Variants in THSD7B observed in about 807,000 individuals in gnomAD.
THSD7B encodes thrombospondin type-1 domain-containing protein 7B.
Under a neutral mutation model 213.6 loss-of-function variants are expected in THSD7B, and 138 were observed. The ratio of observed to expected loss-of-function variants is 0.65; its 90% confidence interval spans 0.56 to 0.74. The LOEUF (loss-of-function observed/expected upper bound fraction) is 0.74, where lower values mean the gene tolerates loss of function less well. THSD7B is among the 30% of genes least tolerant of loss of function. The pLI is 0.00. For missense variants in THSD7B, 1,931 were observed against 1,991.5 expected (o/e 0.97, Z 0.58); for synonymous variants, 742 against 687.0 (o/e 1.08, Z -1.25).
chr2:136,793,798 G>A (rs997694515), intron 1 of THSD7B, among the ~76,000 whole-genome samples: 2 of 151,846 alleles, frequency 1.3e-5, no homozygotes, highest in African/African-American at 4.8e-5. Context: ...ACATAAATTG[G>A]AAAGTATTTT....
chr2:137,115,463 G>A lies in THSD7B; in HGVS notation c.1369+170G>A, dbSNP rs554136559. Among the ~76,000 whole-genome samples, 15 of 152,114 alleles carry A rather than the reference G, an allele frequency of 9.9e-5. No homozygotes were observed. In the East Asian group the frequency reaches 2.3e-3, roughly 24 times the overall value. On this transcript the variant is annotated intron_variant, in intron 5 of 27. Coordinates refer to ENST00000409968, the MANE Select transcript of THSD7B (RefSeq NM_001316349.2). ...TAAGTTCTTCCACTTGTAACACTTG[G>A]GATAGTTAAAAATAGTAGCAAAAAT...
chr2:137,141,482 GCACACACACACTCA>G (rs914092635), intron 5 of THSD7B, among the ~76,000 whole-genome samples: 20 of 79,124 alleles, frequency 2.5e-4, no homozygotes, highest in Non-Finnish European at 4.0e-4. Context: ...ACACATGTGT[GCACACACACACTCA>G]CACACACACA....
At chr2:137,468,465 C>T (rs914614053) in intron 15 of THSD7B, among the ~76,000 whole-genome samples, 20 of 151,734 alleles carry the variant, frequency 1.3e-4, no homozygotes, top group African/African-American at 4.6e-4. Context: ...GTCCTCTAAA[C>T]TTGAAGATGC....
intron 15 of THSD7B, among the ~76,000 whole-genome samples, chr2:137,474,344 G>T (rs1303716792): frequency 6.6e-6 from 1 of 152,118 alleles, no homozygotes; most frequent in Non-Finnish European, 1.5e-5. Context: ...CAGATTGAAT[G>T]GTTTCAGCTT....
At position 137,444,729 on chromosome 2, in the gene THSD7B, C is replaced by T. The variant is rs147144369; in HGVS notation, c.2960-6116C>T. Among the ~76,000 whole-genome samples, 531 of 151,958 alleles carry T rather than the reference C, an allele frequency of 3.5e-3. 1 individual carries two copies. Among genetic ancestry groups the T allele is most frequent in the Middle Eastern group, 0.014 (4 of 294 alleles). On this transcript the variant is annotated intron_variant, in intron 14 of 27. Transcript: ENST00000409968. ...CTGTTCACAGATTTCTTGAATGAGACCTCAAAAGCATAGGCCACAAAGGCA... is the reference window on the plus strand; with the variant it reads ...CTGTTCACAGATTTCTTGAATGAGATCTCAAAAGCATAGGCCACAAAGGCA...
At chr2:136,946,311 T>A (rs867827766) in intron 2 of THSD7B, among the ~76,000 whole-genome samples, 1 of 152,164 alleles carries the variant, frequency 6.6e-6, no homozygotes, top group African/African-American at 2.4e-5. Context: ...ACTGGAAATG[T>A]TGCAGAACAA....
intron 5 of THSD7B, among the ~76,000 whole-genome samples, chr2:137,158,699 C>T (rs147992206): frequency 1.3e-5 from 2 of 151,868 alleles, no homozygotes; most frequent in Admixed American, 6.6e-5. Context: ...TTTTGGTGTT[C>T]GAAGTTCTGC....
At chr2:137,605,648 CTTTTTTTTTTTTTT>C (rs34604281) in intron 17 of THSD7B, among the ~76,000 whole-genome samples, 41 of 69,010 alleles carry the variant, frequency 5.9e-4, no homozygotes, top group African/African-American at 1.3e-3. Context: ...GCACTTCGCA[CTTTTTTTTTTTTTT>C]TTTTTTTTTT....
intron 10 of THSD7B, among the ~76,000 whole-genome samples, chr2:137,253,132 T>A (rs558958651): frequency 6.6e-6 from 1 of 152,196 alleles, no homozygotes; most frequent in East Asian, 1.9e-4. Context: ...TGAGTGATAT[T>A]TTAGTTCAGA....
chr2:137,200,380 T>C lies in THSD7B; in HGVS notation c.1723+29442T>C, dbSNP rs1156821691. 2.0e-5 allele frequency among the ~76,000 whole-genome samples: 3 copies of C among 152,172 alleles called. No individual in the cohort carries two copies. The East Asian group carries it at 5.8e-4, about 29-fold the overall frequency. ...ACAATTTATGTAAATACTTTACTGT[T>C]CAACCTTGTTTTAGGCCAACCTTCC... On this transcript the variant is annotated intron_variant, in intron 7 of 27. Coordinates refer to ENST00000409968, the MANE Select transcript of THSD7B (RefSeq NM_001316349.2).
chr2:137,149,651 C>T lies in THSD7B; in HGVS notation c.1370-10562C>T, dbSNP rs142555254. Among the ~76,000 whole-genome samples the T allele has an allele frequency of 4.1e-3, 621 of 152,306 alleles. 3 individuals are homozygous for T. Among genetic ancestry groups the T allele is most frequent in the African/African-American group, 0.013 (559 of 41,580 alleles). ...ATGACCTGGACATGAGACATGGAGT[C>T]GAAGGAGATCATTTTGGAGCTTTAA... On this transcript the variant is annotated intron_variant, in intron 5 of 27. Transcript: ENST00000409968.
chr2:137,451,022 A>G lies in THSD7B; in HGVS notation c.3137A>G (p.Gln1046Arg), dbSNP rs1341469324. ...RPCPKLDLKN[Q>R]VHEAVPCYSE... ...TGTCCCAAACTGGATCTCAAGAATC[A>G]GGTAAAGTGCATGAAGCAACAAATA... The change falls in exon 15 of 28, where the codon CAG becomes CGG. Residue 1046 changes from glutamine to arginine, a missense_variant and splice_region_variant. By Grantham distance (43) the Gln-to-Arg change is conservative (BLOSUM62 1). Transcript: ENST00000409968. 1.9e-6 allele frequency: 3 copies of G among 1,583,842 alleles called. No homozygotes were observed. The highest frequency in any genetic ancestry group is 3.8e-5 in the Admixed American group (2 of 53,228).
chr2:136,787,622 A>C (rs1012139448), intron 1 of THSD7B, among the ~76,000 whole-genome samples: 2 of 152,254 alleles, frequency 1.3e-5, no homozygotes, highest in South Asian at 2.1e-4. Flanking sequence ...TGGAATATGA[A>C]GTTTTTCTTG....
intron 17 of THSD7B, among the ~76,000 whole-genome samples, chr2:137,614,964 G>A (rs976866567): frequency 1.3e-5 from 2 of 152,120 alleles, no homozygotes; most frequent in Non-Finnish European, 1.5e-5. Context: ...TATAGAAATG[G>A]TGATTTGATG....
intron 2 of THSD7B, among the ~76,000 whole-genome samples, chr2:136,906,936 G>GTTTTTT (rs57887270): frequency 0.014 from 778 of 55,122 alleles, 160 homozygotes; most frequent in Admixed American, 0.028. Flanking sequence ...ACATTTCAAG[G>GTTTTTT]TTTTTTTTTT....
intron 27 of THSD7B, 69 bp downstream of exon 27, chr2:137,667,930 T>C: frequency 7.8e-7 from 1 of 1,288,540 alleles, no homozygotes; most frequent in Non-Finnish European, 1.1e-6. Flanking sequence ...TTAAAACAAG[T>C]ATCTCAGGAT....
Position 136,772,583 on chromosome 2 carries a change from A to C in THSD7B, c.-36+6896A>C, listed in dbSNP as rs1182253828. Among the ~76,000 whole-genome samples the C allele has an allele frequency of 3.3e-5, 5 of 152,186 alleles. No homozygotes were observed. In the East Asian group the frequency reaches 7.7e-4, roughly 23 times the overall value. On this transcript the variant is annotated intron_variant, in intron 1 of 27. Coordinates refer to ENST00000409968, the MANE Select transcript of THSD7B (RefSeq NM_001316349.2). ...TGTCCTGCCAACTATGCAAAGCATTAGTTTTTGAAATTAGCATAATGAATA... is the reference window on the plus strand; with the variant it reads ...TGTCCTGCCAACTATGCAAAGCATTCGTTTTTGAAATTAGCATAATGAATA...
intron 5 of THSD7B, among the ~76,000 whole-genome samples, chr2:137,156,693 C>T (rs59582778): frequency 6.6e-6 from 1 of 152,162 alleles, no homozygotes; most frequent in South Asian, 2.1e-4. Context: ...TTGACAAACG[C>T]AGCTTCAGAA....
chr2:137,440,549 T>G (rs1325585456), intron 14 of THSD7B, among the ~76,000 whole-genome samples: 1 of 152,022 alleles, frequency 6.6e-6, no homozygotes. Flanking sequence ...TGTAGAATAC[T>G]GTGATGGCAG....
Sources: allele counts gnomAD v4.1 joint callset (sites outside exome capture counted in the v4.1 genomes callset), GRCh38; gene constraint gnomAD v4.1.1; transcripts MANE v1.5; gene names NCBI Gene and HGNC (gene_info 2026-07-23, HGNC 2026-07-21).